Variants in ATP11B observed in about 807,000 individuals in gnomAD.
ATP11B encodes the protein phospholipid-transporting ATPase IF.
ATP11B carries 81 observed loss-of-function variants against 157.8 expected under a neutral mutation model. That is an observed-to-expected ratio of 0.51 (90% CI 0.43 to 0.62). The LOEUF is 0.62. Among genes scored for constraint, ATP11B ranks in the 20% least tolerant of loss-of-function variants. ATP11B has a pLI of 0.00. For synonymous variants in ATP11B, 451 were observed against 469.4 expected, an observed-to-expected ratio of 0.96 and a Z score of 0.51; for missense variants, 1,165 against 1,402.2, an observed-to-expected ratio of 0.83 and a Z score of 2.70.
chr3:182,884,220 G>C (rs1201225888), intron 21 of ATP11B, among the ~76,000 whole-genome samples: 1 of 151,932 alleles, frequency 6.6e-6, no homozygotes, highest in Non-Finnish European at 1.5e-5. Flanking sequence ...ATGTTGCACT[G>C]ATTTCAAATG....
intron 3 of ATP11B, among the ~76,000 whole-genome samples, chr3:182,828,527 T>C (rs571697725): frequency 6.6e-6 from 1 of 152,202 alleles, no homozygotes; most frequent in East Asian, 1.9e-4. Flanking sequence ...GTTTAGGCTT[T>C]TAATATATAG....
chr3:182,914,265 C>A, intron 29 of ATP11B: 1 of 1,209,760 alleles, frequency 8.3e-7, no homozygotes, highest in Admixed American at 4.3e-5. Context: ...AAAATGTGCT[C>A]AGTAGGAGTG....
chr3:182,797,989 T>C (rs1396144318), intron 1 of ATP11B, among the ~76,000 whole-genome samples: 2 of 152,106 alleles, frequency 1.3e-5, no homozygotes, highest in Admixed American at 6.6e-5. Context: ...AAAAAAAAAT[T>C]AGCTGGGCAT....
At chr3:182,896,001 C>T (rs1208194307) in intron 25 of ATP11B, among the ~76,000 whole-genome samples, 2 of 152,110 alleles carry the variant, frequency 1.3e-5, no homozygotes, top group Non-Finnish European at 2.9e-5. Flanking sequence ...TAGCAGGGAG[C>T]TTACAAAACG....
At chr3:182,822,281 C>T (rs777532143) in intron 2 of ATP11B, among the ~76,000 whole-genome samples, 6 of 152,020 alleles carry the variant, frequency 3.9e-5, no homozygotes, top group South Asian at 2.1e-4. Context: ...CCCTACCCCA[C>T]GAGAGGCCCC....
chr3:182,801,444 T>C (rs1298847669), intron 1 of ATP11B, among the ~76,000 whole-genome samples: 1 of 152,234 alleles, frequency 6.6e-6, no homozygotes, highest in African/African-American at 2.4e-5. Flanking sequence ...GTTATTTTTA[T>C]TCTTTCTTTA....
intron 25 of ATP11B, among the ~76,000 whole-genome samples, chr3:182,890,887 GATCT>G (rs1180154190): frequency 6.6e-6 from 1 of 152,192 alleles, no homozygotes; most frequent in Non-Finnish European, 1.5e-5. Flanking sequence ...TTCAGACTCA[GATCT>G]ATCTGACTTT....
At chr3:182,877,251 A>T (rs967436144) in intron 19 of ATP11B, among the ~76,000 whole-genome samples, 4 of 152,208 alleles carry the variant, frequency 2.6e-5, no homozygotes, top group Non-Finnish European at 5.9e-5. Flanking sequence ...GGTACCAGGG[A>T]GAGCTCTGAA....
chr3:182,904,906 A>G lies in ATP11B; in HGVS notation c.3318+6134A>G, dbSNP rs1036430878. Among the ~76,000 whole-genome samples, 24 of 146,250 alleles carry G rather than the reference A, an allele frequency of 1.6e-4. No homozygotes were observed. The East Asian group carries it at 2.4e-3, about 15-fold the overall frequency. On this transcript the variant is annotated intron_variant, in intron 28 of 29. Transcript: ENST00000323116. Reference sequence around the variant, plus strand: ...TTCTTCTTAAAAAAAAAAAAAAAAAAAAAAAAGGATTAATTCAAAACTTAT... The same window carrying G: ...TTCTTCTTAAAAAAAAAAAAAAAAAGAAAAAAGGATTAATTCAAAACTTAT...
At chr3:182,794,888 T>C (rs1470773853) in intron 1 of ATP11B, among the ~76,000 whole-genome samples, 1 of 152,200 alleles carries the variant, frequency 6.6e-6, no homozygotes, top group Non-Finnish European at 1.5e-5. Flanking sequence ...TAAAATTTAG[T>C]GAAACAGGAA....
intron 10 of ATP11B, among the ~76,000 whole-genome samples, chr3:182,856,409 A>G (rs1020758398): frequency 6.6e-6 from 1 of 152,288 alleles, no homozygotes; most frequent in Middle Eastern, 3.4e-3. Context: ...AAAGGAGAAT[A>G]TGTCTGATGA....
At chr3:182,868,862 GT>G (rs1721436592) in intron 15 of ATP11B, among the ~76,000 whole-genome samples, 1 of 152,042 alleles carries the variant, frequency 6.6e-6, no homozygotes, top group South Asian at 2.1e-4. Flanking sequence ...CATAAGGTGT[GT>G]AAAATACATG....
At chr3:182,845,124 C>T (rs766951251) in intron 8 of ATP11B, among the ~76,000 whole-genome samples, 2 of 151,956 alleles carry the variant, frequency 1.3e-5, no homozygotes, top group Non-Finnish European at 2.9e-5. Flanking sequence ...CCTGCCTTAG[C>T]CTCCTGAGTA....
chr3:182,835,192 T>A (rs1290831267), intron 4 of ATP11B, among the ~76,000 whole-genome samples: 1 of 152,062 alleles, frequency 6.6e-6, no homozygotes, highest in Non-Finnish European at 1.5e-5. Flanking sequence ...AGTATAACTT[T>A]TAGTGAAAAC....
At chr3:182,890,709 T>C (rs759136285) in intron 25 of ATP11B, among the ~76,000 whole-genome samples, 4 of 152,198 alleles carry the variant, frequency 2.6e-5, no homozygotes, top group Non-Finnish European at 4.4e-5. Flanking sequence ...AACTACCTTT[T>C]GTTGAGTTTG....
intron 12 of ATP11B, among the ~76,000 whole-genome samples, chr3:182,865,031 C>A (rs1356326671): frequency 6.6e-6 from 1 of 152,052 alleles, no homozygotes; most frequent in Non-Finnish European, 1.5e-5. Context: ...ACTGTGTATT[C>A]CTATTCCTAG....
intron 28 of ATP11B, among the ~76,000 whole-genome samples, chr3:182,904,358 G>T (rs1724179445): frequency 1.3e-5 from 2 of 152,204 alleles, no homozygotes; most frequent in Non-Finnish European, 2.9e-5. Context: ...TGAGCAGTGA[G>T]TGACCACTAG....
chr3:182,917,294 C>A (rs1725204826), intron 29 of ATP11B: 1 of 985,330 alleles, frequency 1.0e-6, no homozygotes, highest in Non-Finnish European at 1.2e-6. Context: ...TGTCCTTGAA[C>A]TAGGTTAGTC....
At chr3:182,852,677 A>C (rs1209502310) in intron 10 of ATP11B, among the ~76,000 whole-genome samples, 1 of 152,124 alleles carries the variant, frequency 6.6e-6, no homozygotes. Flanking sequence ...TTCAATCTTC[A>C]CCCTTACCCG....
Sources: allele counts gnomAD v4.1 joint callset (sites outside exome capture counted in the v4.1 genomes callset), GRCh38; gene constraint gnomAD v4.1.1; transcripts MANE v1.5; gene names NCBI Gene and HGNC (gene_info 2026-07-23, HGNC 2026-07-21).